CPSF6: variants seen among roughly 807,000 people sequenced by gnomAD.
The protein encoded by CPSF6 is cleavage and polyadenylation specificity factor subunit 6.
In CPSF6, 10 loss-of-function variants were observed where a neutral mutation model predicts 56.7. The observed-to-expected ratio is 0.18, with a 90% CI of 0.11 to 0.30. The LOEUF is 0.30. Ranked by LOEUF, CPSF6 falls within the 10% of genes least tolerant of loss-of-function variation. The pLI is 1.00. For missense variants in CPSF6, 419 were observed against 722.9 expected (o/e 0.58, Z 4.82); for synonymous variants, 248 against 244.8 (o/e 1.01, Z -0.12).
intron 1 of CPSF6, among the ~76,000 whole-genome samples, chr12:69,245,021 G>T (rs1221468734): frequency 6.6e-6 from 1 of 151,264 alleles, no homozygotes; most frequent in Non-Finnish European, 1.5e-5. Flanking sequence ...TGCTTTGAGA[G>T]CCTGAGGCGG....
rs1297961224 is a variant in CPSF6, at chr12:69,262,355, A to G, written c.1470-18A>G. On this transcript the variant is annotated intron_variant, in intron 8 of 9. Transcript: ENST00000435070. ...ATCTAATTATGGAGAGCATTAATCC[A>G]GTAATTTCTTTTAGAAGACGTGAAC... 1 of 1,561,404 alleles carries G rather than the reference A, an allele frequency of 6.4e-7. No individual in the cohort carries two copies. The highest frequency in any genetic ancestry group is 1.9e-5 in the Admixed American group (1 of 53,984).
rs1555169806 is a variant in CPSF6 at position 69,272,892 on chromosome 12, G to GTGTGTA, written c.*3387_*3392dup. 9.3e-6 allele frequency: 2 copies of GTGTGTA among 215,784 alleles called. No individual in the cohort carries two copies. The highest frequency in any genetic ancestry group is 4.7e-5 in the African/African-American group (2 of 42,658). The allele number at this position is 215,784 out of a possible 1,614,324, so 13.4% of individuals were successfully genotyped here. A position where few individuals can be genotyped will look rare whatever the true frequency, so the allele number is the denominator to read the frequency against. On this transcript the variant is annotated 3_prime_UTR_variant, in exon 10 of 10. Coordinates refer to ENST00000435070, the MANE Select transcript of CPSF6 (RefSeq NM_007007.3). Reference sequence around the variant, plus strand: ...ACAGTGTGTGTGTGTGTGTGTGTGTGTGTGTATGCGTTTTTTTAACCTTAA... The same window carrying GTGTGTA: ...ACAGTGTGTGTGTGTGTGTGTGTGTGTGTGTATGTGTATGCGTTTTTTTAACCTTAA...
intron 2 of CPSF6, among the ~76,000 whole-genome samples, chr12:69,251,657 A>G (rs1289598602): frequency 1.3e-5 from 2 of 152,178 alleles, no homozygotes; most frequent in Non-Finnish European, 2.9e-5. Context: ...ACTAAAAATA[A>G]TGCTCACATG....
chr12:69,262,258 T>C, intron 8 of CPSF6, 115 bp from the exon 9 acceptor site: 2 of 1,322,372 alleles, frequency 1.5e-6, no homozygotes, highest in Non-Finnish European at 2.0e-6. Flanking sequence ...ATAGTAAGTT[T>C]AAACCAGATT....
rs1491257320 is a variant in CPSF6, at chr12:69,249,152, C to CGGTGGGG, written c.61-1975_61-1974insTGGGGGG. Among the ~76,000 whole-genome samples, 56 of 16,576 alleles carry CGGTGGGG rather than the reference C, an allele frequency of 3.4e-3. 18 individuals carry two copies. The highest frequency in any genetic ancestry group is 6.2e-3 in the Admixed American group (8 of 1,286). The allele number at this position is 16,576 out of a possible 152,430, so 10.9% of individuals were successfully genotyped here. The stretch of plus-strand genomic sequence containing the variant: ...GCGGGCGCCTGTAGTCCCAGCTACT[C>CGGTGGGG]GGGGGGGGGGGGGGGGGCTGAGGCA... On this transcript the variant is annotated intron_variant, in intron 1 of 9. Transcript: ENST00000435070.
intron 2 of CPSF6, chr12:69,252,252 AC>A (rs1157639769): frequency 4.1e-6 from 1 of 243,574 alleles, no homozygotes; most frequent in African/African-American, 8.9e-5. Context: ...TAAAAACAAA[AC>A]AAACACTTTT....
chr12:69,260,319 GT>G (rs10700569), intron 8 of CPSF6, 122 bp downstream of exon 8: 2,457 of 569,860 alleles, frequency 4.3e-3, no homozygotes, highest in Middle Eastern at 5.5e-3. Flanking sequence ...AGCTGGAGTG[GT>G]TTTTTTTTTT....
At chr12:69,257,585 T>TAA in intron 4 of CPSF6, 147 bp from the exon 5 acceptor site, 1 of 671,990 alleles carries the variant, frequency 1.5e-6, no homozygotes, top group Non-Finnish European at 2.4e-6. Flanking sequence ...AATGTTTTCC[T>TAA]AAACCATACT....
At position 69,257,902 on chromosome 12, in the gene CPSF6, C is replaced by G. The variant is rs1340305824; in HGVS notation, c.691C>G (p.Pro231Ala). Residue 231 changes from proline to alanine, a missense_variant, in exon 5 of 10, where the codon CCA becomes GCA. This residue lies in a region of CPSF6 where 211 missense variants were observed against 296.0 expected (regional missense o/e 0.71). Transcript: ENST00000435070. ...AGPGGPPPPF[P>A]AGQTPPRPPL... ...ACCAGGAGGGCCACCCCCACCTTTTCCAGGTAAAACTTTTCTTAAATTACC... is the reference window on the plus strand; with the variant it reads ...ACCAGGAGGGCCACCCCCACCTTTTGCAGGTAAAACTTTTCTTAAATTACC... 1 of 1,592,428 alleles carries G rather than the reference C, an allele frequency of 6.3e-7. No homozygotes were observed. Among genetic ancestry groups the G allele is most frequent in the East Asian group, 2.2e-5 (1 of 44,682 alleles).
At position 69,239,638 on chromosome 12, in the gene CPSF6, T is replaced by C. The variant is rs758358796; in HGVS notation, c.-9T>C. On this transcript the variant is annotated 5_prime_UTR_variant, in exon 1 of 10. Coordinates refer to ENST00000435070, the MANE Select transcript of CPSF6 (RefSeq NM_007007.3). ...CGGCGGCGGCGGCGGCGGCCGAGGC[T>C]GAAGGAAGATGGCGGACGGCGTGGA... 5.7e-6 allele frequency: 9 copies of C among 1,571,846 alleles called. No individual in the cohort carries two copies. The highest frequency in any genetic ancestry group is 1.8e-5 in the Admixed American group (1 of 55,950).
chr12:69,259,567 A>G, intron 7 of CPSF6, 24 bp downstream of exon 7: 1 of 1,580,570 alleles, frequency 6.3e-7, no homozygotes, highest in Non-Finnish European at 8.6e-7. Flanking sequence ...TTGTATTAAT[A>G]TTTCTTATTT....
chr12:69,252,394 A>G (rs1167551733), intron 2 of CPSF6, among the ~76,000 whole-genome samples: 3 of 152,184 alleles, frequency 2.0e-5, no homozygotes, highest in African/African-American at 7.2e-5. Context: ...TTAAAACTAA[A>G]TGTAACAGAT....
chr12:69,248,943 C>G (rs774223447), intron 1 of CPSF6, among the ~76,000 whole-genome samples: 9 of 151,494 alleles, frequency 5.9e-5, no homozygotes, highest in Non-Finnish European at 8.8e-5. Flanking sequence ...TTTTCTTTTT[C>G]TTTTAAAAAG....
In CPSF6 at chr12:69,258,589, G is replaced by T; in HGVS notation, c.695-1G>T. The T allele has an allele frequency of 6.4e-7, 1 of 1,574,258 alleles. No individual in the cohort carries two copies. The highest frequency in any genetic ancestry group is 8.6e-7 in the Non-Finnish European group (1 of 1,164,048). On this transcript the variant is annotated splice_acceptor_variant, in intron 5 of 9. Coordinates refer to ENST00000435070, the MANE Select transcript of CPSF6 (RefSeq NM_007007.3). LOFTEE classifies it high-confidence loss of function. The surrounding 1 kb of genome is among the most constrained non-coding windows in gnomAD (Gnocchi z 4.2). ...TTCTCTCTTTCTCCTTTGTTTTTTA[G>T]CTGGACAGACTCCACCACGTCCACC...
rs1312371464 is a variant in CPSF6, at chr12:69,239,604, T to C, written c.-43T>C. On this transcript the variant is annotated 5_prime_UTR_variant, in exon 1 of 10. Coordinates refer to ENST00000435070, the MANE Select transcript of CPSF6 (RefSeq NM_007007.3). Reference sequence around the variant, plus strand: ...CTGCTGCTGCCGCGGCGGGCAGACCTGCAGGAGGCGGCGGCGGCGGCGGCG... The same window carrying C: ...CTGCTGCTGCCGCGGCGGGCAGACCCGCAGGAGGCGGCGGCGGCGGCGGCG... 2 of 1,534,348 alleles carry C rather than the reference T, an allele frequency of 1.3e-6. No individual in the cohort carries two copies. Among genetic ancestry groups the C allele is most frequent in the Non-Finnish European group, 1.7e-6 (2 of 1,143,548 alleles).
intron 8 of CPSF6, among the ~76,000 whole-genome samples, chr12:69,261,031 C>G (rs1389123854): frequency 6.6e-6 from 1 of 151,996 alleles, no homozygotes; most frequent in Non-Finnish European, 1.5e-5. Flanking sequence ...TTAGGTAGTT[C>G]CTTTTTTTTT....
intron 1 of CPSF6, among the ~76,000 whole-genome samples, chr12:69,247,041 A>G (rs1871945113): frequency 6.6e-6 from 1 of 152,222 alleles, no homozygotes; most frequent in African/African-American, 2.4e-5. Flanking sequence ...ATATTTTGAC[A>G]GCCAACAAGT....
chr12:69,259,652 T>TAA, intron 7 of CPSF6, 109 bp downstream of exon 7: 1 of 921,392 alleles, frequency 1.1e-6, no homozygotes. Context: ...GTTCTTTTTA[T>TAA]ATTCCCAAAT....
chr12:69,269,276 T>G (rs981448871), intron 9 of CPSF6, among the ~76,000 whole-genome samples: 1 of 151,888 alleles, frequency 6.6e-6, no homozygotes, highest in Non-Finnish European at 1.5e-5. Flanking sequence ...TCATTAAATT[T>G]ATAAGGCAAT....
Sources: gnomAD v4.1 joint callset for allele counts (sites outside exome capture counted in the v4.1 genomes callset) on GRCh38, gnomAD v4.1.1 for gene constraint, gnomAD v4.1.1 regional missense constraint, Gnocchi (gnomAD v3.1) non-coding constraint, MANE v1.5 for transcripts, NCBI Gene and HGNC (gene_info 2026-07-23, HGNC 2026-07-21) for gene names.